PDSS2: variants seen among roughly 807,000 people sequenced by gnomAD.
PDSS2 encodes the protein all trans-polyprenyl-diphosphate synthase PDSS2.
In PDSS2, 31 loss-of-function variants were observed where a neutral mutation model predicts 44.5. That is an observed-to-expected ratio of 0.70 (90% confidence interval 0.52 to 0.94). PDSS2 has a LOEUF of 0.94. Among genes scored for constraint, PDSS2 ranks in the 40% least tolerant of loss-of-function variants. The pLI is 0.00. For synonymous variants in PDSS2, 157 were observed against 180.3 expected, an observed-to-expected ratio of 0.87 and a Z score of 1.03; for missense variants, 452 against 482.2, an observed-to-expected ratio of 0.94 and a Z score of 0.59.
chr6:107,182,736 GGA>G (rs1402694933), intron 7 of PDSS2, among the ~76,000 whole-genome samples: 1 of 152,136 alleles, frequency 6.6e-6, no homozygotes, highest in Admixed American at 6.6e-5. Flanking sequence ...GCAATTTGAA[GGA>G]GATATGAAAT....
chr6:107,220,111 T>A (rs1041618128), intron 4 of PDSS2, among the ~76,000 whole-genome samples: 12 of 137,014 alleles, frequency 8.8e-5, no homozygotes, highest in African/African-American at 3.4e-4. Flanking sequence ...AGGGACCTTA[T>A]AGGGGTGTGT....
At chr6:107,453,491 G>A (rs1220345015) in intron 1 of PDSS2, among the ~76,000 whole-genome samples, 1 of 149,780 alleles carries the variant, frequency 6.7e-6, no homozygotes, top group Non-Finnish European at 1.5e-5. Flanking sequence ...CCATTGAATT[G>A]TTTTTGCACT....
chr6:107,268,958 A>G (rs1385195703), intron 3 of PDSS2, among the ~76,000 whole-genome samples: 2 of 143,936 alleles, frequency 1.4e-5, no homozygotes. Flanking sequence ...TTTTTTTTCC[A>G]TACGGAGTTT....
Position 107,459,546 on chromosome 6 carries a change from G to A in PDSS2, c.-261C>T. On this transcript the variant is annotated 5_prime_UTR_variant, in exon 1 of 8. Coordinates refer to ENST00000369037, the MANE Select transcript of PDSS2 (RefSeq NM_020381.4). This position sits in a 1 kb window ranked among gnomAD's most constrained non-coding sequence, Gnocchi z 4.3. ...AACCACAGCCACTGCCTATGTGGAG[G>A]ACGCCATATTGGAGGCATGGAATGC... The A allele has an allele frequency of 5.6e-6, 3 of 531,488 alleles. No individual in the cohort carries two copies. Among genetic ancestry groups the A allele is most frequent in the South Asian group, 2.2e-5 (1 of 45,298 alleles). The allele number at this position is 531,488 out of a possible 1,614,324, so 32.9% of individuals were successfully genotyped here.
intron 1 of PDSS2, among the ~76,000 whole-genome samples, chr6:107,418,915 T>C (rs931136340): frequency 1.3e-5 from 2 of 152,344 alleles, no homozygotes; most frequent in Admixed American, 6.5e-5. Flanking sequence ...TAATATTTCA[T>C]ATCAATTCTA....
chr6:107,430,745 G>T (rs1022837575), intron 1 of PDSS2, among the ~76,000 whole-genome samples: 1 of 151,784 alleles, frequency 6.6e-6, no homozygotes, highest in Admixed American at 6.6e-5. Context: ...GGAGGCGGAG[G>T]TTGCGGTGAG....
At chr6:107,429,873 A>C (rs780300758) in intron 1 of PDSS2, among the ~76,000 whole-genome samples, 20 of 103,280 alleles carry the variant, frequency 1.9e-4, no homozygotes, top group Middle Eastern at 0.01. Context: ...AACAAGAGCA[A>C]AACTTAGTCT....
chr6:107,393,898 C>T (rs1779859316), intron 1 of PDSS2, among the ~76,000 whole-genome samples: 1 of 152,164 alleles, frequency 6.6e-6, no homozygotes, highest in Non-Finnish European at 1.5e-5. Flanking sequence ...GCTATTTCAG[C>T]TTTCTTGCTA....
chr6:107,198,630 T>C (rs904373954), intron 6 of PDSS2, among the ~76,000 whole-genome samples: 3 of 152,308 alleles, frequency 2.0e-5, no homozygotes, highest in African/African-American at 7.2e-5. Context: ...CATTCTGATA[T>C]GGTGTTTTCT....
chr6:107,192,244 C>G (rs73523779), intron 7 of PDSS2: 9,247 of 371,820 alleles, frequency 0.025, 664 homozygotes, highest in African/African-American at 0.16. Context: ...CCTTGGTTTA[C>G]AGGTGCTCCT....
intron 6 of PDSS2, chr6:107,197,698 T>C: frequency 2.6e-6 from 1 of 383,774 alleles, no homozygotes; most frequent in Non-Finnish European, 5.4e-6. Context: ...CTGGGAGTCC[T>C]AGAGAATTGT....
rs182581970 is a variant in PDSS2, at chr6:107,209,089, A to G, written c.1008+1350T>C. ...TTAATGGATCATCTATTATTATACC[A>G]TGGATTTAATATCCTTCCTTGTCAA... On this transcript the variant is annotated intron_variant, in intron 6 of 7. Transcript: ENST00000369037. Among the ~76,000 whole-genome samples, 212 of 152,192 alleles carry G rather than the reference A, an allele frequency of 1.4e-3. 1 individual carries two copies. Among genetic ancestry groups the G allele is most frequent in the Non-Finnish European group, 2.4e-3 (165 of 68,010 alleles).
In PDSS2 at chr6:107,310,158, G is replaced by A. The variant is rs947869954; in HGVS notation, c.431+24040C>T. 3.5e-4 allele frequency among the ~76,000 whole-genome samples: 53 copies of A among 151,928 alleles called. 1 individual carries two copies. The highest frequency in any genetic ancestry group is 1.2e-3 in the African/African-American group (51 of 41,420). On this transcript the variant is annotated intron_variant, in intron 2 of 7. Coordinates refer to ENST00000369037, the MANE Select transcript of PDSS2 (RefSeq NM_020381.4). Reference sequence around the variant, plus strand: ...AAATTAGCTGGGTGTGGTGGCAGGCGCCTGTAGTCTCAGCTACTCGGGAGG... The same window carrying A: ...AAATTAGCTGGGTGTGGTGGCAGGCACCTGTAGTCTCAGCTACTCGGGAGG...
intron 2 of PDSS2, among the ~76,000 whole-genome samples, chr6:107,300,598 G>C (rs1244906102): frequency 1.3e-5 from 2 of 152,172 alleles, no homozygotes; most frequent in East Asian, 3.9e-4. Context: ...TAAAGAAATA[G>C]TCAGATCATC....
At chr6:107,266,340 T>C (rs1305911115) in intron 3 of PDSS2, among the ~76,000 whole-genome samples, 1 of 151,744 alleles carries the variant, frequency 6.6e-6, no homozygotes, top group African/African-American at 2.4e-5. Context: ...TTACAGACCC[T>C]GGGCATGGTT....
At chr6:107,451,411 G>C (rs1254493191) in intron 1 of PDSS2, among the ~76,000 whole-genome samples, 2 of 152,066 alleles carry the variant, frequency 1.3e-5, no homozygotes. Context: ...GGAACACCAA[G>C]CTCTGTGCCA....
intron 1 of PDSS2, 69 bp from the exon 2 acceptor site, chr6:107,334,401 G>T (rs371900724): frequency 1.4e-5 from 19 of 1,406,766 alleles, no homozygotes; most frequent in Non-Finnish European, 1.8e-5. Context: ...TTAGAAAACT[G>T]CTACAAAGAT....
chr6:107,428,873 T>G (rs1306784826), intron 1 of PDSS2, among the ~76,000 whole-genome samples: 3 of 152,138 alleles, frequency 2.0e-5, no homozygotes, highest in African/African-American at 7.2e-5. Context: ...GAAAATCATC[T>G]CTTTCAAAAA....
chr6:107,168,768 T>G (rs1771447267), intron 7 of PDSS2, among the ~76,000 whole-genome samples: 3 of 152,188 alleles, frequency 2.0e-5, no homozygotes, highest in Non-Finnish European at 4.4e-5. Flanking sequence ...AATTCTGGGT[T>G]GAAAATTCTT....
Sources: gnomAD v4.1 joint callset for allele counts (sites outside exome capture counted in the v4.1 genomes callset) on GRCh38, gnomAD v4.1.1 for gene constraint, Gnocchi (gnomAD v3.1) non-coding constraint, MANE v1.5 for transcripts, NCBI Gene and HGNC (gene_info 2026-07-23, HGNC 2026-07-21) for gene names.